Variants in ERMP1 observed in about 807,000 individuals in gnomAD.
ERMP1 encodes the protein Felix-ina.
Under a neutral mutation model 92.0 loss-of-function variants are expected in ERMP1, and 86 were observed. The ratio of observed to expected loss-of-function variants is 0.93; its 90% CI spans 0.79 to 1.12. The LOEUF (loss-of-function observed/expected upper bound fraction) is 1.12, where lower values mean the gene tolerates loss of function less well. Among genes scored for constraint, ERMP1 ranks in the 50% most tolerant of loss-of-function variants. ERMP1 has a pLI of 0.00. For synonymous variants in ERMP1, 530 were observed against 412.8 expected, an observed-to-expected ratio of 1.28 and a Z score of -3.44; for missense variants, 1,342 against 1,116.3, an observed-to-expected ratio of 1.20 and a Z score of -2.88.
At position 5,805,764 on chromosome 9, in the gene ERMP1, C is replaced by G. The variant is rs202074914; in HGVS notation, c.1570G>C (p.Gly524Arg). Reference protein sequence around the residue: ...YYMNASAQYLGEVFFDISLFV... With the variant: ...YYMNASAQYLREVFFDISLFV... ...AGCGAAATGTCAAAAAATACTTCTC[C>G]CAGATACTGGGCACTGGCATTCTGA... is the stretch of plus-strand genomic sequence containing the variant. The change falls in exon 9 of 15, where the codon GGA becomes CGA. Residue 524 changes from glycine (G) to arginine (R), a missense_variant. Gly to Arg is a moderately radical substitution (Grantham distance 125, BLOSUM62 -2). Coordinates refer to ENST00000339450, the MANE Select transcript of ERMP1 (RefSeq NM_024896.3). 120 of 1,608,534 alleles carry G rather than the reference C, an allele frequency of 7.5e-5. No homozygotes were observed. The highest frequency in any genetic ancestry group is 7.4e-5 in the Non-Finnish European group (87 of 1,178,036).
chr9:5,834,034 C>T (rs1458014851), upstream of ERMP1, among the ~76,000 whole-genome samples: 4 of 152,288 alleles, frequency 2.6e-5, no homozygotes, highest in South Asian at 4.1e-4. Context: ...AGCACACTGC[C>T]GGATTTTGAC....
At chr9:5,860,700 C>G (rs1830460999) in intron 5 of ERMP1, among the ~76,000 whole-genome samples, 1 of 151,030 alleles carries the variant, frequency 6.6e-6, no homozygotes, top group Admixed American at 6.6e-5. Context: ...CCTCCTGCCT[C>G]AGCATCCCAA....
chr9:5,839,699 C>A (rs927965785), intron 6 of ERMP1, among the ~76,000 whole-genome samples: 1 of 152,130 alleles, frequency 6.6e-6, no homozygotes, highest in East Asian at 1.9e-4. Flanking sequence ...TGTCCTGGAA[C>A]GGTTTCACTT....
chr9:5,825,284 A>C, intron 2 of ERMP1, 65 bp from the exon 3 acceptor site: 1 of 1,495,142 alleles, frequency 6.7e-7, no homozygotes, highest in Non-Finnish European at 9.0e-7. Flanking sequence ...ACCCATTAGG[A>C]CTAGGAATGG....
At chr9:5,831,322 C>A (rs1829930591) in intron 1 of ERMP1, among the ~76,000 whole-genome samples, 1 of 152,160 alleles carries the variant, frequency 6.6e-6, no homozygotes, top group African/African-American at 2.4e-5. Flanking sequence ...CGTGTGACCA[C>A]TGGCCAGGCA....
At chr9:5,864,596 T>A (rs868512128) in intron 5 of ERMP1, among the ~76,000 whole-genome samples, 10 of 152,212 alleles carry the variant, frequency 6.6e-5, no homozygotes, top group African/African-American at 2.2e-4. Flanking sequence ...AATGACAGGC[T>A]TTCCTCAGGG....
At chr9:5,829,644 G>GTAT (rs1398551724) in intron 2 of ERMP1, among the ~76,000 whole-genome samples, 5 of 152,212 alleles carry the variant, frequency 3.3e-5, no homozygotes, top group African/African-American at 9.6e-5. Flanking sequence ...GCAAAAGGGA[G>GTAT]TATTAATTAC....
chr9:5,809,200 T>G (rs1235104930), intron 8 of ERMP1, among the ~76,000 whole-genome samples: 1 of 151,738 alleles, frequency 6.6e-6, no homozygotes, highest in Non-Finnish European at 1.5e-5. Context: ...TTTTGTATTT[T>G]TAGTAGAGAC....
At position 5,812,221 on chromosome 9, in the gene ERMP1, A is replaced by C. The variant is rs759700321; in HGVS notation, c.1022-4T>G. 7.1e-5 allele frequency: 109 copies of C among 1,535,062 alleles called. No individual in the cohort carries two copies. The highest frequency in any genetic ancestry group is 9.0e-5 in the Non-Finnish European group (101 of 1,120,752). On this transcript the variant is annotated splice_region_variant and splice_polypyrimidine_tract_variant and intron_variant, in intron 5 of 14. Transcript: ENST00000339450. Reference sequence around the variant, plus strand: ...TCAATAAAAGCTAAGTCTATTCCTAAAACATATATATAGAAAAAAAAAAGT... The same window carrying C: ...TCAATAAAAGCTAAGTCTATTCCTACAACATATATATAGAAAAAAAAAAGT...
At chr9:5,812,609 G>T in intron 5 of ERMP1, 1 of 455,744 alleles carries the variant, frequency 2.2e-6, no homozygotes, top group Non-Finnish European at 3.9e-6. Context: ...AACAACGAAA[G>T]ACCCCTGAAG....
rs35593711 is a variant in ERMP1, at chr9:5,861,170, G to GGTGTGTGTGTGTGT, written n.3056-1573_3056-1560dup. On this transcript the variant is annotated intron_variant and non_coding_transcript_variant, in intron 5 of 6. Coordinates refer to the ERMP1 transcript ENST00000690753. ...GCAGTGAACCCACAATGGCTTAGGG[G>GGTGTGTGTGTGTGT]GTGTGTGTGTGTGTGTGTGTGTGTG... Among the ~76,000 whole-genome samples the GGTGTGTGTGTGTGT allele has an allele frequency of 1.3e-3, 134 of 102,116 alleles. 2 individuals carry two copies. The highest frequency in any genetic ancestry group is 3.4e-3 in the Admixed American group (32 of 9,320). The allele number at this position is 102,116 out of a possible 152,430, so 67.0% of individuals were successfully genotyped here. A position where few individuals can be genotyped will look rare whatever the true frequency, so the allele number is the denominator to read the frequency against.
chr9:5,807,126 C>T (rs999810246), intron 8 of ERMP1, among the ~76,000 whole-genome samples: 1 of 152,162 alleles, frequency 6.6e-6, no homozygotes, highest in East Asian at 1.9e-4. Flanking sequence ...GATAAAACAT[C>T]GCTCGAATCT....
At chr9:5,821,658 A>C (rs929363061) in intron 4 of ERMP1, among the ~76,000 whole-genome samples, 1 of 152,248 alleles carries the variant, frequency 6.6e-6, no homozygotes, top group African/African-American at 2.4e-5. Context: ...ATATATGTAC[A>C]TAGAAAAAAA....
At chr9:5,813,795 T>C (rs1829199367) in intron 4 of ERMP1, among the ~76,000 whole-genome samples, 1 of 150,734 alleles carries the variant, frequency 6.6e-6, no homozygotes, top group African/African-American at 2.4e-5. Flanking sequence ...ATCTCATACA[T>C]CTACAGCTTT....
intron 8 of ERMP1, among the ~76,000 whole-genome samples, chr9:5,807,783 T>C (rs1828924901): frequency 2.0e-5 from 3 of 151,910 alleles, no homozygotes; most frequent in East Asian, 1.9e-4. Flanking sequence ...ACAATTCAAA[T>C]GTTGCCATCT....
intron 11 of ERMP1, among the ~76,000 whole-genome samples, chr9:5,800,505 G>A (rs1828627163): frequency 6.6e-6 from 1 of 152,002 alleles, no homozygotes; most frequent in Non-Finnish European, 1.5e-5. Context: ...GTGAAACCCT[G>A]TCTCCACTAA....
chr9:5,814,124 C>T (rs925550663), intron 4 of ERMP1, among the ~76,000 whole-genome samples: 1 of 152,096 alleles, frequency 6.6e-6, no homozygotes, highest in Non-Finnish European at 1.5e-5. Flanking sequence ...AAGGCATTAA[C>T]ATCATTCATA....
intron 6 of ERMP1, among the ~76,000 whole-genome samples, chr9:5,844,026 G>A (rs1830203464): frequency 6.6e-6 from 1 of 152,158 alleles, no homozygotes; most frequent in East Asian, 1.9e-4. Flanking sequence ...GTAATGTTCT[G>A]TGAAGTATGA....
In ERMP1 at chr9:5,801,251, G is replaced by T. The variant is rs1336669515; in HGVS notation, c.1992C>A (p.Leu664=). 6.2e-7 allele frequency: 1 copy of T among 1,613,810 alleles called. No individual in the cohort carries two copies. The highest frequency in any genetic ancestry group is 1.3e-5 in the African/African-American group (1 of 75,044). ...TLTLVCAITF[L]LVCSGTFFPY... ...GAAAAAATGTTCCACTGCAAACAAG[G>T]AGGAATGTAATTGCACATACCAAAG... Residue 664 remains leucine (L), a synonymous_variant, in exon 11 of 15, where the codon CTC becomes CTA. Coordinates refer to ENST00000339450, the MANE Select transcript of ERMP1 (RefSeq NM_024896.3).
Sources: allele counts gnomAD v4.1 joint callset (sites outside exome capture counted in the v4.1 genomes callset), GRCh38; gene constraint gnomAD v4.1.1; transcripts MANE v1.5; gene names NCBI Gene and HGNC (gene_info 2026-07-23, HGNC 2026-07-21).